The following NCKAP5 variants were observed in gnomAD, a reference collection of about 807,000 sequenced individuals.
NCKAP5 encodes the protein nck-associated protein 5.
Under a neutral mutation model 167.0 loss-of-function variants are expected in NCKAP5, and 92 were observed. The ratio of observed to expected loss-of-function variants is 0.55; its 90% CI spans 0.47 to 0.66. NCKAP5 has a LOEUF of 0.66. NCKAP5 is among the 30% of genes least tolerant of loss of function. NCKAP5 has a pLI of 0.00. For missense variants in NCKAP5, 2,378 were observed against 2,315.0 expected, an observed-to-expected ratio of 1.03 and a Z score of -0.56; for synonymous variants, 891 against 877.4, an observed-to-expected ratio of 1.02 and a Z score of -0.27.
the NCKAP5 span, among the ~76,000 whole-genome samples, chr2:133,658,919 T>C: frequency 2.6e-5 from 4 of 151,932 alleles, no homozygotes; most frequent in Non-Finnish European, 5.9e-5. Context: ...GTTTCTATTG[T>C]GTTATGAGCT....
intron 6 of NCKAP5, among the ~76,000 whole-genome samples, chr2:133,052,956 TA>T (rs769884658): frequency 1.8e-4 from 27 of 151,442 alleles, no homozygotes; most frequent in Non-Finnish European, 2.8e-4. Context: ...GAAAACAAAA[TA>T]AAAAAATACT....
intron 6 of NCKAP5, among the ~76,000 whole-genome samples, chr2:133,071,946 C>T (rs1270067678): frequency 6.6e-6 from 1 of 152,084 alleles, no homozygotes; most frequent in Non-Finnish European, 1.5e-5. Flanking sequence ...TAAATGAACT[C>T]ATAATATTGA....
At chr2:133,544,207 G>GA (rs1686460285) in intron 2 of NCKAP5, among the ~76,000 whole-genome samples, 1 of 151,640 alleles carries the variant, frequency 6.6e-6, no homozygotes. Context: ...TACTTATTTG[G>GA]AAAAAAATAA....
At chr2:133,648,657 C>G in the NCKAP5 span, among the ~76,000 whole-genome samples, 11 of 151,662 alleles carry the variant, frequency 7.3e-5, no homozygotes, top group Non-Finnish European at 1.0e-4. Context: ...AACAACTATT[C>G]AAAAAGAAAT....
chr2:133,415,087 G>A (rs756674142), intron 3 of NCKAP5, among the ~76,000 whole-genome samples: 3 of 152,194 alleles, frequency 2.0e-5, no homozygotes, highest in Admixed American at 6.5e-5. Context: ...GTCTCAGATT[G>A]ATTCAGTTTG....
chr2:133,351,164 G>GTTATCA (rs1684333197), intron 3 of NCKAP5, among the ~76,000 whole-genome samples: 9 of 152,126 alleles, frequency 5.9e-5, no homozygotes, highest in Admixed American at 5.9e-4. Context: ...CTGAATGGAT[G>GTTATCA]ACAGCTTAGT....
intron 10 of NCKAP5, among the ~76,000 whole-genome samples, chr2:132,868,159 C>G (rs914411398): frequency 1.3e-5 from 2 of 152,118 alleles, no homozygotes; most frequent in Non-Finnish European, 2.9e-5. Context: ...CTAAAAGTTT[C>G]TTTTGGAGAA....
intron 6 of NCKAP5, among the ~76,000 whole-genome samples, chr2:133,105,691 C>A (rs2081660860): frequency 6.6e-6 from 1 of 152,178 alleles, no homozygotes; most frequent in South Asian, 2.1e-4. Flanking sequence ...CAGCTGGTTT[C>A]AATGATTGAA....
At chr2:133,193,207 GA>G (rs1266936364) in intron 5 of NCKAP5, among the ~76,000 whole-genome samples, 24 of 152,036 alleles carry the variant, frequency 1.6e-4, no homozygotes, top group Admixed American at 1.2e-3. Context: ...GAATATGATA[GA>G]AATGTGGGAA....
chr2:133,322,371 A>G (rs1682119298), intron 3 of NCKAP5, among the ~76,000 whole-genome samples: 1 of 152,256 alleles, frequency 6.6e-6, no homozygotes, highest in Non-Finnish European at 1.5e-5. Flanking sequence ...AGAGGCAGGT[A>G]GAAATGAAAG....
At chr2:132,948,314 C>T (rs2076053940) in intron 8 of NCKAP5, among the ~76,000 whole-genome samples, 1 of 152,004 alleles carries the variant, frequency 6.6e-6, no homozygotes, top group Admixed American at 6.6e-5. Flanking sequence ...CTCATTGCAA[C>T]GTGATTCATC....
At chr2:133,176,295 G>A (rs2084458130) in intron 5 of NCKAP5, among the ~76,000 whole-genome samples, 1 of 152,156 alleles carries the variant, frequency 6.6e-6, no homozygotes, top group Admixed American at 6.5e-5. Flanking sequence ...TAAATGAATT[G>A]CCATAACACT....
chr2:132,932,068 C>G (rs115607441), intron 8 of NCKAP5, among the ~76,000 whole-genome samples: 1 of 152,180 alleles, frequency 6.6e-6, no homozygotes, highest in African/African-American at 2.4e-5. Context: ...CCACTCAGGG[C>G]GCTCCTCACT....
chr2:133,077,230 A>C (rs2080635761), intron 6 of NCKAP5, among the ~76,000 whole-genome samples: 1 of 152,240 alleles, frequency 6.6e-6, no homozygotes, highest in African/African-American at 2.4e-5. Context: ...GTTTGAATAC[A>C]TACTAACAAG....
At chr2:133,186,392 T>C (rs1437615254) in intron 5 of NCKAP5, among the ~76,000 whole-genome samples, 1 of 152,138 alleles carries the variant, frequency 6.6e-6, no homozygotes, top group Non-Finnish European at 1.5e-5. Flanking sequence ...TCTATGTTCA[T>C]CAGGGATATC....
Position 133,492,651 on chromosome 2 carries a change from T to C in NCKAP5, c.69+24807A>G, listed in dbSNP as rs148628173. Among the ~76,000 whole-genome samples the C allele has an allele frequency of 7.3e-4, 111 of 152,348 alleles. 1 individual carries two copies. Among genetic ancestry groups the C allele is most frequent in the African/African-American group, 2.5e-3 (102 of 41,586 alleles). On this transcript the variant is annotated intron_variant, in intron 3 of 19. Coordinates refer to ENST00000409261, the MANE Select transcript of NCKAP5 (RefSeq NM_207363.3). ...CTCATCTATAAAATAGGCATGATTATGCCAATCTCACAGGGATGTTAGATA... is the reference window on the plus strand; with the variant it reads ...CTCATCTATAAAATAGGCATGATTACGCCAATCTCACAGGGATGTTAGATA...
At chr2:133,163,583 G>A (rs950597362) in intron 5 of NCKAP5, among the ~76,000 whole-genome samples, 1 of 152,058 alleles carries the variant, frequency 6.6e-6, no homozygotes, top group Non-Finnish European at 1.5e-5. Context: ...TTTTGGTATT[G>A]GAACTCAAAA....
At chr2:133,313,533 C>T (rs1681397050) in intron 3 of NCKAP5, among the ~76,000 whole-genome samples, 1 of 152,200 alleles carries the variant, frequency 6.6e-6, no homozygotes, top group South Asian at 2.1e-4. Flanking sequence ...TATTTCTCAG[C>T]AGCCTGTACT....
chr2:133,059,835 C>T (rs1325261245), intron 6 of NCKAP5, among the ~76,000 whole-genome samples: 1 of 151,896 alleles, frequency 6.6e-6, no homozygotes, highest in Non-Finnish European at 1.5e-5. Context: ...CTATGATATA[C>T]ACTTTATTGA....
Sources: allele counts gnomAD v4.1 joint callset (sites outside exome capture counted in the v4.1 genomes callset), GRCh38; gene constraint gnomAD v4.1.1; transcripts MANE v1.5; gene names NCBI Gene and HGNC (gene_info 2026-07-23, HGNC 2026-07-21).